LUC7L3: variants seen among roughly 807,000 people sequenced by gnomAD.
LUC7L3 encodes the protein LUC7 like 3 pre-mRNA splicing factor.
In LUC7L3, 6 loss-of-function variants were observed where a neutral mutation model predicts 66.8. The ratio of observed to expected loss-of-function variants is 0.09; its 90% confidence interval spans 0.05 to 0.18. The LOEUF is 0.18. LUC7L3 is among the 10% of genes least tolerant of loss of function. LUC7L3 has a pLI of 1.00. For synonymous variants in LUC7L3, 160 were observed against 174.7 expected (o/e 0.92, Z 0.66); for missense variants, 341 against 531.1 (o/e 0.64, Z 3.52).
chr17:50,746,482 C>G, intron 8 of LUC7L3, 60 bp from the exon 9 acceptor site: 1 of 1,493,994 alleles, frequency 6.7e-7, no homozygotes, highest in Non-Finnish European at 9.1e-7. Context: ...AGCATCTACT[C>G]CAAGGCCTTT....
intron 1 of LUC7L3, among the ~76,000 whole-genome samples, chr17:50,732,565 T>C (rs1969683607): frequency 6.7e-6 from 1 of 150,308 alleles, no homozygotes; most frequent in South Asian, 2.1e-4. Flanking sequence ...TCATTCTTTT[T>C]TTTTTTTTTT....
chr17:50,736,732 AATAG>A (rs1970008109), intron 1 of LUC7L3: 1 of 439,496 alleles, frequency 2.3e-6, no homozygotes, highest in Non-Finnish European at 4.0e-6. Context: ...GATGATTAAA[AATAG>A]ATAAAGAAAA....
intron 9 of LUC7L3, chr17:50,749,392 C>CA: frequency 3.2e-6 from 4 of 1,251,488 alleles, no homozygotes; most frequent in Non-Finnish European, 3.1e-6. Flanking sequence ...AGTGGACAGA[C>CA]AGACATGAAG....
chr17:50,751,926 TGAAAG>T lies in LUC7L3; in HGVS notation c.*1269_*1273del. On this transcript the variant is annotated 3_prime_UTR_variant, in exon 10 of 10. Transcript: ENST00000505658. ...GTGGTGTGGGACAAAATATTCCTAA[TGAAAG>T]GAAGTACCAATTAGTTGATTTGTTG... 9.7e-7 allele frequency: 1 copy of T among 1,029,708 alleles called. No homozygotes were observed. The highest frequency in any genetic ancestry group is 1.2e-6 in the Non-Finnish European group (1 of 856,234). The allele number at this position is 1,029,708 out of a possible 1,614,324, so 63.8% of individuals were successfully genotyped here.
intron 3 of LUC7L3, 124 bp downstream of exon 3, chr17:50,740,469 G>C: frequency 1.2e-6 from 1 of 868,580 alleles, no homozygotes. Flanking sequence ...GTCAGTGGCT[G>C]GGGATAGTAA....
chr17:50,737,478 A>G, intron 2 of LUC7L3: 2 of 325,454 alleles, frequency 6.1e-6, no homozygotes, highest in South Asian at 5.2e-5. Flanking sequence ...TGGAGGCACC[A>G]GGTACCACAG....
chr17:50,751,128 T>C lies in LUC7L3; in HGVS notation c.*467T>C. The C allele has an allele frequency of 1.4e-6, 2 of 1,461,950 alleles. No homozygotes were observed. The highest frequency in any genetic ancestry group is 1.8e-6 in the Non-Finnish European group (2 of 1,114,660). The allele number at this position is 1,461,950 out of a possible 1,614,324, so 90.6% of individuals were successfully genotyped here. A position where few individuals can be genotyped will look rare whatever the true frequency, so the allele number is the denominator to read the frequency against. ...TTCGGAGGCACATGTTGGACTACTT[T>C]GTTTTAATTAAACTGCTAGTATTTC... is the stretch of plus-strand genomic sequence containing the variant. On this transcript the variant is annotated 3_prime_UTR_variant, in exon 10 of 10. Coordinates refer to ENST00000505658, the MANE Select transcript of LUC7L3 (RefSeq NM_016424.5).
Position 50,752,239 on chromosome 17 carries a change from G to A in LUC7L3, c.*1578G>A, listed in dbSNP as rs764422903. 1 of 1,280,792 alleles carries A rather than the reference G, an allele frequency of 7.8e-7. No homozygotes were observed. Among genetic ancestry groups the A allele is most frequent in the South Asian group, 1.3e-5 (1 of 79,412 alleles). 79.3% of individuals were successfully genotyped at this position (1,280,792 alleles called of 1,614,324 possible). On this transcript the variant is annotated 3_prime_UTR_variant, in exon 10 of 10. Transcript: ENST00000505658. ...GATTTTTGGAAGAATACTGAGAACG[G>A]CATAAAGTGAAGATCGACATTTAAA...
In LUC7L3 at chr17:50,750,993, C is replaced by CTTT. The variant is rs55943930; in HGVS notation, c.*342_*344dup. On this transcript the variant is annotated 3_prime_UTR_variant, in exon 10 of 10. Coordinates refer to ENST00000505658, the MANE Select transcript of LUC7L3 (RefSeq NM_016424.5). ...TTTTTTAGGGATTTTGATGTCATTTCTTTTTTTTTTTTAATAAAAAGGTTG... is the reference window on the plus strand; with the variant it reads ...TTTTTTAGGGATTTTGATGTCATTTCTTTTTTTTTTTTTTTAATAAAAAGGTTG... 7 of 1,077,614 alleles carry CTTT rather than the reference C, an allele frequency of 6.5e-6. No homozygotes were observed. In the African/African-American group the frequency reaches 1.1e-4, roughly 17 times the overall value. The allele number at this position is 1,077,614 out of a possible 1,614,324, so 66.8% of individuals were successfully genotyped here.
rs1300269178 is a variant in LUC7L3 at position 50,755,128 on chromosome 17, A to G, written c.*4467A>G. 1 of 152,128 alleles carries G rather than the reference A, an allele frequency of 6.6e-6. No individual in the cohort carries two copies. The highest frequency in any genetic ancestry group is 1.5e-5 in the Non-Finnish European group (1 of 68,010). The allele number at this position is 152,128 out of a possible 1,614,324, so 9.4% of individuals were successfully genotyped here. A position where few individuals can be genotyped will look rare whatever the true frequency, so the allele number is the denominator to read the frequency against. ...CTGAGGGATTTTTTAGTTGTTTGTG[A>G]AAGAACCCCAGGTCTACTTTTGAAA... On this transcript the variant is annotated 3_prime_UTR_variant, in exon 10 of 10. Coordinates refer to ENST00000505658, the MANE Select transcript of LUC7L3 (RefSeq NM_016424.5).
At chr17:50,738,860 A>G (rs1371021190) in intron 2 of LUC7L3, among the ~76,000 whole-genome samples, 1 of 152,094 alleles carries the variant, frequency 6.6e-6, no homozygotes, top group Non-Finnish European at 1.5e-5. Flanking sequence ...AAAAAGATCC[A>G]TACCTAGGCA....
At chr17:50,738,373 G>A (rs768378496) in intron 2 of LUC7L3, among the ~76,000 whole-genome samples, 18 of 152,148 alleles carry the variant, frequency 1.2e-4, no homozygotes, top group African/African-American at 4.1e-4. Flanking sequence ...CCAGACGTTC[G>A]AAGAAAGCCT....
At chr17:50,724,176 T>C (rs1033147579) in intron 1 of LUC7L3, 17 of 267,854 alleles carry the variant, frequency 6.3e-5, no homozygotes, top group African/African-American at 2.6e-4. Context: ...AATTCTGTTA[T>C]TGTCAACCTT....
Position 50,752,293 on chromosome 17 carries a change from A to G in LUC7L3, c.*1632A>G, listed in dbSNP as rs1971011937. 1 of 1,100,788 alleles carries G rather than the reference A, an allele frequency of 9.1e-7. No homozygotes were observed. The highest frequency in any genetic ancestry group is 2.8e-5 in the Admixed American group (1 of 35,242). 68.2% of individuals were successfully genotyped at this position (1,100,788 alleles called of 1,614,324 possible). A position where few individuals can be genotyped will look rare whatever the true frequency, so the allele number is the denominator to read the frequency against. On this transcript the variant is annotated 3_prime_UTR_variant, in exon 10 of 10. Coordinates refer to ENST00000505658, the MANE Select transcript of LUC7L3 (RefSeq NM_016424.5). ...TGAGGTGAAAGAAAGCTATAGTGGC[A>G]TAGAAAAAGTATAAAGCTCAGTTAG...
At chr17:50,728,009 T>C (rs1969312125) in intron 1 of LUC7L3, among the ~76,000 whole-genome samples, 1 of 150,652 alleles carries the variant, frequency 6.6e-6, no homozygotes, top group South Asian at 2.1e-4. Context: ...CCCCAGCTAC[T>C]CGAGAGGCTG....
At chr17:50,746,444 TAA>T in intron 8 of LUC7L3, 96 bp from the exon 9 acceptor site, 1 of 1,023,674 alleles carries the variant, frequency 9.8e-7, no homozygotes, top group Admixed American at 2.4e-5. Context: ...TTTTAGAGGG[TAA>T]GTTTTGCCTA....
Position 50,752,193 on chromosome 17 carries a change from G to A in LUC7L3, c.*1532G>A, listed in dbSNP as rs76666103. ...ATTATCATTTTTCCCCAAATTTTGCGTTGTAGGACTACTGTTCGAAGATTT... is the reference window on the plus strand; with the variant it reads ...ATTATCATTTTTCCCCAAATTTTGCATTGTAGGACTACTGTTCGAAGATTT... On this transcript the variant is annotated 3_prime_UTR_variant, in exon 10 of 10. Coordinates refer to ENST00000505658, the MANE Select transcript of LUC7L3 (RefSeq NM_016424.5). The A allele has an allele frequency of 8.7e-5, 111 of 1,283,084 alleles. No individual in the cohort carries two copies. Among genetic ancestry groups the A allele is most frequent in the Middle Eastern group, 4.3e-4 (2 of 4,674 alleles). 79.5% of individuals were successfully genotyped at this position (1,283,084 alleles called of 1,614,324 possible).
chr17:50,730,529 A>AAAAAAAAAAAAAG (rs1567861403), intron 1 of LUC7L3, among the ~76,000 whole-genome samples: 1 of 150,816 alleles, frequency 6.6e-6, no homozygotes, highest in African/African-American at 2.5e-5. Flanking sequence ...AAAAAAAAAA[A>AAAAAAAAAAAAAG]AAAAAAAAAG....
chr17:50,733,815 A>G (rs1969802238), intron 1 of LUC7L3, among the ~76,000 whole-genome samples: 1 of 152,238 alleles, frequency 6.6e-6, no homozygotes, highest in Non-Finnish European at 1.5e-5. Flanking sequence ...CTTTTACTAA[A>G]TATAGTTGTG....
Sources: allele counts gnomAD v4.1 joint callset (sites outside exome capture counted in the v4.1 genomes callset), GRCh38; gene constraint gnomAD v4.1.1; transcripts MANE v1.5; gene names NCBI Gene and HGNC (gene_info 2026-07-23, HGNC 2026-07-21).